LRMDA: variants seen among roughly 807,000 people sequenced by gnomAD.
The protein encoded by LRMDA is leucine-rich melanocyte differentiation-associated protein.
A neutral mutation model predicts 29.8 loss-of-function variants in LRMDA; 18 were observed. The ratio of observed to expected loss-of-function variants is 0.60; its 90% CI spans 0.42 to 0.90. LRMDA has a LOEUF of 0.90. LRMDA is among the 40% of genes least tolerant of loss of function. The pLI, the probability that LRMDA is intolerant of heterozygous loss-of-function variation, is 0.00. For missense variants in LRMDA, 273 were observed against 273.9 expected (o/e 1.00, Z 0.02); for synonymous variants, 125 against 109.4 (o/e 1.14, Z -0.89).
chr10:75,878,694 C>A (rs1043833116), intron 2 of LRMDA, among the ~76,000 whole-genome samples: 1 of 152,106 alleles, frequency 6.6e-6, no homozygotes, highest in African/African-American at 2.4e-5. Flanking sequence ...GGGTACAAGC[C>A]CAAGGGTGAA....
At chr10:76,215,560 C>T (rs567264743) in intron 5 of LRMDA, among the ~76,000 whole-genome samples, 6 of 152,120 alleles carry the variant, frequency 3.9e-5, no homozygotes, top group African/African-American at 7.2e-5. Context: ...AGTGTGCATC[C>T]GTCACATTTG....
chr10:75,456,719 A>G (rs150016356), intron 2 of LRMDA, among the ~76,000 whole-genome samples: 1,735 of 152,310 alleles, frequency 0.011, 14 homozygotes, highest in South Asian at 0.02. Flanking sequence ...TCTTTCGCCC[A>G]GGCTGAAGTG....
intron 5 of LRMDA, among the ~76,000 whole-genome samples, chr10:76,205,882 A>G (rs2132238630): frequency 6.6e-6 from 1 of 152,274 alleles, no homozygotes; most frequent in East Asian, 1.9e-4. Context: ...TGGGCCAGCA[A>G]CATTGGCATC....
intron 5 of LRMDA, among the ~76,000 whole-genome samples, chr10:76,143,795 AG>A (rs1850255261): frequency 6.6e-6 from 1 of 152,174 alleles, no homozygotes; most frequent in Non-Finnish European, 1.5e-5. Flanking sequence ...GGTATTGCCT[AG>A]GTTTTCTTCT....
At position 75,431,707 on chromosome 10, in the gene LRMDA, C is replaced by A; in HGVS notation, c.-18C>A. Reference sequence around the variant, plus strand: ...GCCCCCGCGCTCCGTCCCGCGCGCCCGCAGCGTCCTGGCCGCCATGGCCGG... The same window carrying A: ...GCCCCCGCGCTCCGTCCCGCGCGCCAGCAGCGTCCTGGCCGCCATGGCCGG... On this transcript the variant is annotated 5_prime_UTR_variant, in exon 1 of 7. Transcript: ENST00000611255. 1.5e-6 allele frequency: 2 copies of A among 1,317,640 alleles called. No individual in the cohort carries two copies. The highest frequency in any genetic ancestry group is 2.4e-5 in the South Asian group (1 of 42,046). 81.6% of individuals were successfully genotyped at this position (1,317,640 alleles called of 1,614,324 possible).
chr10:75,627,708 CA>C (rs1841268966), intron 2 of LRMDA, among the ~76,000 whole-genome samples: 1 of 152,196 alleles, frequency 6.6e-6, no homozygotes, highest in Non-Finnish European at 1.5e-5. Flanking sequence ...ACCTCTACCA[CA>C]GGAGAAGAAA....
chr10:76,304,069 C>T (rs1172550375), intron 5 of LRMDA, among the ~76,000 whole-genome samples: 2 of 152,160 alleles, frequency 1.3e-5, no homozygotes, highest in Non-Finnish European at 2.9e-5. Flanking sequence ...ACAACAGTGA[C>T]TAATGGTGTG....
chr10:76,238,319 T>A (rs1852199334), intron 5 of LRMDA, among the ~76,000 whole-genome samples: 1 of 152,114 alleles, frequency 6.6e-6, no homozygotes, highest in Non-Finnish European at 1.5e-5. Context: ...TCTATTTACT[T>A]ATTAGGAAAC....
chr10:75,542,167 T>G (rs1840025552), intron 2 of LRMDA, among the ~76,000 whole-genome samples: 1 of 152,204 alleles, frequency 6.6e-6, no homozygotes, highest in Non-Finnish European at 1.5e-5. Flanking sequence ...AGTCTGCATT[T>G]TCTTGGGCAT....
At chr10:75,700,061 T>G (rs1045835789) in intron 2 of LRMDA, among the ~76,000 whole-genome samples, 23 of 152,210 alleles carry the variant, frequency 1.5e-4, no homozygotes, top group Non-Finnish European at 2.6e-4. Flanking sequence ...CAGCCCCATG[T>G]TACTAATTTC....
chr10:76,265,622 G>C (rs1283162543), intron 5 of LRMDA, among the ~76,000 whole-genome samples: 1 of 152,162 alleles, frequency 6.6e-6, no homozygotes, highest in Non-Finnish European at 1.5e-5. Flanking sequence ...ATACTTAAGA[G>C]AGTGCTGGGG....
At chr10:75,497,234 T>A (rs1036068654) in intron 2 of LRMDA, among the ~76,000 whole-genome samples, 3 of 152,138 alleles carry the variant, frequency 2.0e-5, no homozygotes, top group Non-Finnish European at 2.9e-5. Flanking sequence ...CTAATATTTT[T>A]AATGAAAAAT....
intron 2 of LRMDA, among the ~76,000 whole-genome samples, chr10:75,480,649 A>G (rs376705825): frequency 6.6e-5 from 10 of 152,352 alleles, no homozygotes; most frequent in Admixed American, 3.3e-4. Flanking sequence ...GACTTTATTC[A>G]TAGGCTAAGG....
intron 2 of LRMDA, among the ~76,000 whole-genome samples, chr10:75,440,660 T>C (rs1189008286): frequency 1.3e-5 from 2 of 152,134 alleles, no homozygotes; most frequent in Non-Finnish European, 2.9e-5. Context: ...TCGAGCTTAT[T>C]TGGGCACTGG....
intron 2 of LRMDA, among the ~76,000 whole-genome samples, chr10:75,614,782 GTT>G (rs796459169): frequency 2.1e-5 from 3 of 144,294 alleles, no homozygotes; most frequent in African/African-American, 7.6e-5. Context: ...AGTGGTGTTT[GTT>G]TTTTTTTTTT....
At chr10:75,833,570 G>A (rs1054306481) in intron 2 of LRMDA, among the ~76,000 whole-genome samples, 5 of 152,052 alleles carry the variant, frequency 3.3e-5, no homozygotes, top group African/African-American at 4.8e-5. Context: ...TCAATCCTAC[G>A]TGAAGTATAC....
At chr10:75,459,743 G>A (rs1844562936) in intron 2 of LRMDA, among the ~76,000 whole-genome samples, 1 of 152,202 alleles carries the variant, frequency 6.6e-6, no homozygotes, top group Non-Finnish European at 1.5e-5. Context: ...TATGGTTCTG[G>A]AAGTTGGGAA....
chr10:76,324,543 C>A, intron 6 of LRMDA, 58 bp downstream of exon 6: 2 of 1,494,500 alleles, frequency 1.3e-6, no homozygotes, highest in Non-Finnish European at 9.3e-7. Flanking sequence ...CTTGGCTGTG[C>A]AGAGCTCTGG....
chr10:75,666,416 T>C (rs1406828682), intron 2 of LRMDA, among the ~76,000 whole-genome samples: 1 of 151,978 alleles, frequency 6.6e-6, no homozygotes, highest in African/African-American at 2.4e-5. Flanking sequence ...AGTTATACAG[T>C]ATATAAACTA....
Sources: gnomAD v4.1 joint callset for allele counts (sites outside exome capture counted in the v4.1 genomes callset) on GRCh38, gnomAD v4.1.1 for gene constraint, MANE v1.5 for transcripts, NCBI Gene and HGNC (gene_info 2026-07-23, HGNC 2026-07-21) for gene names.